SEM1: variants seen among roughly 807,000 people sequenced by gnomAD.
SEM1 encodes 26S proteasome complex subunit SEM1.
In SEM1, 3 loss-of-function variants were observed where a neutral mutation model predicts 12.7. The observed-to-expected ratio is 0.24, with a 90% CI of 0.11 to 0.61. The LOEUF is 0.61. SEM1 is among the 20% of genes least tolerant of loss of function. The pLI, the probability that SEM1 is intolerant of heterozygous loss-of-function variation, is 0.88. For missense variants in SEM1, 59 were observed against 81.3 expected (o/e 0.73, Z 1.06); for synonymous variants, 30 against 27.8 (o/e 1.08, Z -0.25).
At chr7:96,542,552 C>G (rs1276887422) in intron 2 of SEM1, among the ~76,000 whole-genome samples, 1 of 151,618 alleles carries the variant, frequency 6.6e-6, no homozygotes, top group East Asian at 1.9e-4. Flanking sequence ...GGAAAAAGGA[C>G]ACGAACTGAT....
chr7:96,653,413 G>A (rs1584836232), intron 2 of SEM1, among the ~76,000 whole-genome samples: 1 of 152,142 alleles, frequency 6.6e-6, no homozygotes. Context: ...CTCTAACAGG[G>A]AACCAGACAC....
At chr7:96,571,519 T>G (rs928272819) in intron 2 of SEM1, among the ~76,000 whole-genome samples, 3 of 151,910 alleles carry the variant, frequency 2.0e-5, no homozygotes, top group African/African-American at 7.2e-5. Context: ...GTTGTAGATG[T>G]GTGGCATGAT....
intron 2 of SEM1, among the ~76,000 whole-genome samples, chr7:96,519,275 G>T (rs1260871104): frequency 1.3e-5 from 2 of 151,984 alleles, no homozygotes; most frequent in Non-Finnish European, 1.5e-5. Flanking sequence ...TATTTTTTTT[G>T]AGCACTTTCT....
chr7:96,488,312 A>C (rs1004674609), intron 1 of SEM1, among the ~76,000 whole-genome samples: 3 of 152,208 alleles, frequency 2.0e-5, no homozygotes, highest in Non-Finnish European at 4.4e-5. Context: ...AGACAAACTT[A>C]GTCTACTTAA....
intron 2 of SEM1, among the ~76,000 whole-genome samples, chr7:96,541,431 G>GTTTTTTTTTTTTTTTTTTTTT (rs55863103): frequency 8.2e-6 from 1 of 121,488 alleles, no homozygotes; most frequent in African/African-American, 3.8e-5. Context: ...TTTTTAATGG[G>GTTTTTTTTTTTTTTTTTTTTT]TTTTTTTTTT....
intron 2 of SEM1, among the ~76,000 whole-genome samples, chr7:96,655,442 C>CTTTTTTTTTTTTTTTTT (rs72335497): frequency 7.3e-6 from 1 of 137,698 alleles, no homozygotes. Context: ...ATGCAAATAC[C>CTTTTTTTTTTTTTTTTT]TTTTTTTTTT....
At chr7:96,541,248 A>C (rs563365058) in intron 2 of SEM1, among the ~76,000 whole-genome samples, 1 of 151,828 alleles carries the variant, frequency 6.6e-6, no homozygotes, top group Admixed American at 6.6e-5. Context: ...CCTCGCCAGC[A>C]TCTGCTGTTC....
chr7:96,678,653 C>T (rs1789516237), intron 2 of SEM1, among the ~76,000 whole-genome samples: 2 of 152,214 alleles, frequency 1.3e-5, no homozygotes, highest in African/African-American at 4.8e-5. Flanking sequence ...CACACCCTTT[C>T]CCACAATTTC....
At chr7:96,699,450 T>C (rs1207426309) in intron 1 of SEM1, among the ~76,000 whole-genome samples, 1 of 152,170 alleles carries the variant, frequency 6.6e-6, no homozygotes, top group Non-Finnish European at 1.5e-5. Context: ...AAACAAAACA[T>C]TTTAAAAACC....
At chr7:96,674,691 C>T (rs2115611857) in intron 2 of SEM1, among the ~76,000 whole-genome samples, 1 of 152,102 alleles carries the variant, frequency 6.6e-6, no homozygotes, top group Admixed American at 6.6e-5. Context: ...TAAAAGTATA[C>T]ATACAATGCA....
intron 2 of SEM1, among the ~76,000 whole-genome samples, chr7:96,521,154 G>A (rs1252970784): frequency 6.6e-6 from 1 of 151,978 alleles, no homozygotes; most frequent in Admixed American, 6.6e-5. Context: ...GAAAAAGGAG[G>A]GCCTGCAATC....
chr7:96,563,865 A>C (rs1805765663), intron 2 of SEM1, among the ~76,000 whole-genome samples: 3 of 111,784 alleles, frequency 2.7e-5, no homozygotes, highest in Admixed American at 9.4e-5. Context: ...CTATAAATTC[A>C]GTAAAAAATT....
rs375580461 is a variant in SEM1 at position 96,690,464 on chromosome 7, T to G, written c.171-1498A>C. ...AGATGAAAAATTCTTTGCTAGAATTTAAAAAACCAAAAGAAAAAAATTGAG... is the reference window on the plus strand; with the variant it reads ...AGATGAAAAATTCTTTGCTAGAATTGAAAAAACCAAAAGAAAAAAATTGAG... On this transcript the variant is annotated intron_variant, in intron 2 of 2. Coordinates refer to ENST00000248566, the MANE Select transcript of SEM1 (RefSeq NM_006304.2). Among the ~76,000 whole-genome samples, 5 of 152,132 alleles carry G rather than the reference T, an allele frequency of 3.3e-5. No individual in the cohort carries two copies. In the East Asian group the frequency reaches 7.7e-4, roughly 24 times the overall value.
chr7:96,654,506 GA>G (rs1381261117), intron 2 of SEM1, among the ~76,000 whole-genome samples: 1 of 152,082 alleles, frequency 6.6e-6, no homozygotes, highest in African/African-American at 2.4e-5. Context: ...AGCTAGCAAG[GA>G]CTCTTTTACA....
chr7:96,596,230 C>T (rs1354019356), intron 2 of SEM1, among the ~76,000 whole-genome samples: 1 of 152,162 alleles, frequency 6.6e-6, no homozygotes, highest in Non-Finnish European at 1.5e-5. Context: ...TAGCTCAACA[C>T]AAATAAACCA....
chr7:96,500,158 A>G (rs1467395779), upstream of SEM1, among the ~76,000 whole-genome samples: 3 of 152,092 alleles, frequency 2.0e-5, no homozygotes, highest in Admixed American at 6.6e-5. Context: ...TTTAGTCTCC[A>G]TGATACAAAC....
intron 2 of SEM1, among the ~76,000 whole-genome samples, chr7:96,552,423 G>A (rs1411070173): frequency 6.6e-6 from 1 of 151,264 alleles, no homozygotes; most frequent in Non-Finnish European, 1.5e-5. Flanking sequence ...TCCCACCTAT[G>A]AGTGAGAATA....
rs1026756387 is a variant in SEM1, at chr7:96,591,184, A to C, written c.171-84486T>G. On this transcript the variant is annotated intron_variant and NMD_transcript_variant, in intron 2 of 3. Coordinates refer to the SEM1 transcript ENST00000466986. ...TCTCTAACTACACAAGATTCACAAA[A>C]TTAAGCTGTTTGGTAGGACTGCAGT... 2.0e-5 allele frequency among the ~76,000 whole-genome samples: 3 copies of C among 152,226 alleles called. No homozygotes were observed. The East Asian group carries it at 5.8e-4, about 29-fold the overall frequency.
At chr7:96,634,206 T>A (rs1808358202) in intron 2 of SEM1, among the ~76,000 whole-genome samples, 1 of 152,168 alleles carries the variant, frequency 6.6e-6, no homozygotes, top group African/African-American at 2.4e-5. Flanking sequence ...CAGGCGATAC[T>A]AGCCAGGAAT....
Sources: gnomAD v4.1 joint callset for allele counts (sites outside exome capture counted in the v4.1 genomes callset) on GRCh38, gnomAD v4.1.1 for gene constraint, MANE v1.5 for transcripts, NCBI Gene and HGNC (gene_info 2026-07-23, HGNC 2026-07-21) for gene names.